TELO2: variants seen among roughly 807,000 people sequenced by gnomAD.
TELO2 encodes telomere maintenance 2, also known as telomere length regulation protein TEL2 homolog.
A neutral mutation model predicts 91.0 loss-of-function variants in TELO2; 71 were observed. That is an observed-to-expected ratio of 0.78 (90% CI 0.64 to 0.95). The LOEUF (loss-of-function observed/expected upper bound fraction) is 0.95, where lower values mean the gene tolerates loss of function less well. TELO2 is among the 40% of genes least tolerant of loss of function. TELO2 has a pLI of 0.00. For synonymous variants in TELO2, 584 were observed against 518.9 expected (o/e 1.13, Z -1.71); for missense variants, 1,183 against 1,141.3 (o/e 1.04, Z -0.53).
rs752726244 is a variant in TELO2, at chr16:1,497,062, G to A, written c.640G>A (p.Val214Met). 17 of 1,613,956 alleles carry A rather than the reference G, an allele frequency of 1.1e-5. No homozygotes were observed. Among genetic ancestry groups the A allele is most frequent in the Admixed American group, 8.3e-5 (5 of 59,994 alleles). The change falls in exon 4 of 21, where the codon GTG becomes ATG. Residue 214 changes from valine (V) to methionine (M), a missense_variant. Val to Met is a conservative substitution (Grantham distance 21). Transcript: ENST00000262319. The surrounding 1 kb of genome is among the most constrained non-coding windows in gnomAD (Gnocchi z 4.0). ...TGGCCTGGATTCCTCCGTGTCCTTCGTGTCTCAGGTCCTTGGGAAAGCCTG... is the reference window on the plus strand; with the variant it reads ...TGGCCTGGATTCCTCCGTGTCCTTCATGTCTCAGGTCCTTGGGAAAGCCTG... ...QGGLDSSVSF[V>M]SQVLGKACVH...
At chr16:1,507,788 G>GA (rs1418633456) in intron 20 of TELO2, 72 bp downstream of exon 20, 2 of 1,247,414 alleles carry the variant, frequency 1.6e-6, no homozygotes, top group African/African-American at 1.5e-5. Flanking sequence ...GTGTGTGTGT[G>GA]TGTGAGAGAT....
At chr16:1,503,824 C>G (rs2039790046) in intron 15 of TELO2, among the ~76,000 whole-genome samples, 1 of 152,124 alleles carries the variant, frequency 6.6e-6, no homozygotes, top group African/African-American at 2.4e-5. Context: ...TGCCACGGAA[C>G]TGTACACTTA....
Position 1,505,587 on chromosome 16 carries a change from C to T in TELO2, c.2020C>T (p.Gln674Ter), listed in dbSNP as rs1209676834. ...GGAGGAGCGGATCAGAAGCAAGACC[C>T]AGCGGCTCTCCAAGGTTAGTGGCGC... ...VVEERIRSKT[Q>*]RLSKGGPRQG... The change falls in exon 16 of 21, where the codon CAG (glutamine) becomes TAG (stop). Residue 674 changes from glutamine to a stop codon, truncating the protein, a stop_gained. Transcript: ENST00000262319. LOFTEE classifies it high-confidence loss of function. This position sits in a 1 kb window ranked among gnomAD's most constrained non-coding sequence, Gnocchi z 4.3. 8.8e-6 allele frequency: 14 copies of T among 1,593,196 alleles called. No individual in the cohort carries two copies. The Middle Eastern group carries it at 5.2e-4, about 59-fold the overall frequency.
intron 15 of TELO2, among the ~76,000 whole-genome samples, chr16:1,504,549 GTCTTTTTT>G (rs1364718597): frequency 6.4e-5 from 9 of 140,232 alleles, no homozygotes; most frequent in African/African-American, 2.5e-4. Flanking sequence ...ACCGTAACTG[GTCTTTTTT>G]TTTTTTTTTT....
chr16:1,509,624 C>T (rs1465360828), intron 20 of TELO2, among the ~76,000 whole-genome samples: 1 of 152,236 alleles, frequency 6.6e-6, no homozygotes, highest in Non-Finnish European at 1.5e-5. Flanking sequence ...CTCAGGGCAG[C>T]CCTCCATGTA....
rs1347447311 is a variant in TELO2 at position 1,505,528 on chromosome 16, G to T, written c.1961G>T (p.Gly654Val). The T allele has an allele frequency of 6.2e-7, 1 of 1,613,116 alleles. No individual in the cohort carries two copies. The stretch of plus-strand genomic sequence containing the variant: ...CCAGAGGCAGCCGTCTCTCAGCCTG[G>T]CAGTGCCGTGGCGTCTGACTGGCGG... ...CLPEAAVSQP[G>V]SAVASDWRVV... Residue 654 changes from glycine (G) to valine (V), a missense_variant, in exon 16 of 21, where the codon GGC becomes GTC. Coordinates refer to ENST00000262319, the MANE Select transcript of TELO2 (RefSeq NM_016111.4). The surrounding 1 kb of genome is among the most constrained non-coding windows in gnomAD (Gnocchi z 4.3).
Position 1,504,067 on chromosome 16 carries a change from G to A in TELO2, c.1842+1065G>A, listed in dbSNP as rs1203086420. ...CTTGAGCCCAGAGGTTGAGGCTGTC[G>A]TGAGCCGTGATGGCACCACTGCCCT... On this transcript the variant is annotated intron_variant, in intron 15 of 20. Coordinates refer to ENST00000262319, the MANE Select transcript of TELO2 (RefSeq NM_016111.4). Among the ~76,000 whole-genome samples, 9 of 149,000 alleles carry A rather than the reference G, an allele frequency of 6.0e-5. No homozygotes were observed. The South Asian group carries it at 6.4e-4, about 11-fold the overall frequency.
rs576804391 is a variant in TELO2 at position 1,501,266 on chromosome 16, C to T, written c.1282-154C>T. On this transcript the variant is annotated intron_variant, in intron 9 of 20. Transcript: ENST00000262319. ...GGCCTGAGGTGGAATCTTAGAAAGT[C>T]GCTTTTAAAAAGACACCTGGCTATC... is the stretch of plus-strand genomic sequence containing the variant. Among the ~76,000 whole-genome samples, 79 of 152,314 alleles carry T rather than the reference C, an allele frequency of 5.2e-4. 1 individual carries two copies. Among genetic ancestry groups the T allele is most frequent in the Non-Finnish European group, 9.7e-4 (66 of 68,010 alleles).
Position 1,509,832 on chromosome 16 carries a change from G to A in TELO2, c.2410G>A (p.Val804Met), listed in dbSNP as rs778700436. Residue 804 changes from valine (V) to methionine (M), a missense_variant and splice_region_variant, in exon 21 of 21, where the codon GTG (valine) becomes ATG (methionine). Val to Met is a conservative substitution (Grantham distance 21). Coordinates refer to ENST00000262319, the MANE Select transcript of TELO2 (RefSeq NM_016111.4). ...TGCTTGTCACTCTCGTCTGGCAGAC[G>A]TGGCTGAGAAAGACCCGGACGAGGA... ...LLEARSWLADVAEKDPDEDCR... is the reference protein window; with the variant it reads ...LLEARSWLADMAEKDPDEDCR... The A allele has an allele frequency of 1.9e-6, 3 of 1,611,172 alleles. No individual in the cohort carries two copies. The highest frequency in any genetic ancestry group is 1.1e-5 in the South Asian group (1 of 90,646).
chr16:1,500,859 C>T (rs988875498), intron 9 of TELO2, among the ~76,000 whole-genome samples, 160 bp downstream of exon 9: 2 of 152,256 alleles, frequency 1.3e-5, no homozygotes, highest in Non-Finnish European at 2.9e-5. Context: ...GTGGCAGGTT[C>T]TCAGCCCTGA....
rs1264080877 is a variant in TELO2, at chr16:1,504,609, G to C, written c.1843-801G>C. ...GTCTCGCTCTGTCGCCCAGGCTGGAGTGCAGTGGCGCGATCTTGACTCACT... is the reference window on the plus strand; with the variant it reads ...GTCTCGCTCTGTCGCCCAGGCTGGACTGCAGTGGCGCGATCTTGACTCACT... On this transcript the variant is annotated intron_variant, in intron 15 of 20. Transcript: ENST00000262319. 3.9e-5 allele frequency among the ~76,000 whole-genome samples: 5 copies of C among 127,446 alleles called. No homozygotes were observed. The South Asian group carries it at 8.7e-4, about 22-fold the overall frequency. 83.6% of individuals were successfully genotyped at this position (127,446 alleles called of 152,430 possible).
intron 15 of TELO2, among the ~76,000 whole-genome samples, chr16:1,504,532 A>ACAACTCACCGTAACTGGT (rs1288895060): frequency 8.1e-5 from 12 of 148,136 alleles, no homozygotes; most frequent in African/African-American, 3.0e-4. Context: ...GAACATGAGA[A>ACAACTCACCGTAACTGGT]CAACTCACCG....
At chr16:1,507,531 C>T in intron 19 of TELO2, 70 bp from the exon 20 acceptor site, 1 of 1,502,342 alleles carries the variant, frequency 6.7e-7, no homozygotes, top group Non-Finnish European at 9.0e-7. Flanking sequence ...GGTGGTCTGC[C>T]ACACTGAGGG....
At chr16:1,496,974 A>T in intron 3 of TELO2, 62 bp from the exon 4 acceptor site, 2 of 1,547,698 alleles carry the variant, frequency 1.3e-6, no homozygotes, top group Middle Eastern at 1.7e-4. Flanking sequence ...CTCTCCCCAC[A>T]CCTAGATGTT....
Position 1,497,212 on chromosome 16 carries a change from C to T in TELO2, c.682+108C>T. The T allele has an allele frequency of 6.6e-7, 1 of 1,526,704 alleles. No individual in the cohort carries two copies. The highest frequency in any genetic ancestry group is 8.9e-7 in the Non-Finnish European group (1 of 1,126,494). 94.6% of individuals were successfully genotyped at this position (1,526,704 alleles called of 1,614,324 possible). A position where few individuals can be genotyped will look rare whatever the true frequency, so the allele number is the denominator to read the frequency against. ...CTGACCCTGGCCCTCTGCAGGGTCC[C>T]CTTGCCCGGTCCTGTCCTGGGCCCG... On this transcript the variant is annotated intron_variant, in intron 4 of 20. Transcript: ENST00000262319. This position sits in a 1 kb window ranked among gnomAD's most constrained non-coding sequence, Gnocchi z 4.0.
Position 1,510,000 on chromosome 16 carries a change from G to A in TELO2, c.*64G>A, listed in dbSNP as rs920874116. ...AAGGCAGGCGGCTGAGCAGCGGCCTGGAGCAGCAGAGCCAGGCTTTGTAGC... is the reference window on the plus strand; with the variant it reads ...AAGGCAGGCGGCTGAGCAGCGGCCTAGAGCAGCAGAGCCAGGCTTTGTAGC... On this transcript the variant is annotated 3_prime_UTR_variant, in exon 21 of 21. Coordinates refer to ENST00000262319, the MANE Select transcript of TELO2 (RefSeq NM_016111.4). 32 of 1,430,276 alleles carry A rather than the reference G, an allele frequency of 2.2e-5. No individual in the cohort carries two copies. In the Admixed American group the frequency reaches 3.4e-4, roughly 15 times the overall value. 88.6% of individuals were successfully genotyped at this position (1,430,276 alleles called of 1,614,324 possible).
chr16:1,499,508 C>G (rs1219924938), intron 6 of TELO2, among the ~76,000 whole-genome samples, 175 bp downstream of exon 6: 1 of 150,308 alleles, frequency 6.7e-6, no homozygotes. Flanking sequence ...ACAGGCCCTG[C>G]TGTGACGGCT....
chr16:1,498,362 A>G (rs556702219), intron 5 of TELO2, among the ~76,000 whole-genome samples: 25 of 152,218 alleles, frequency 1.6e-4, no homozygotes, highest in African/African-American at 5.8e-4. Flanking sequence ...TGTTTAAGGC[A>G]TTTGTATTCT....
rs1187221648 is a variant in TELO2, at chr16:1,502,532, C to T, written c.1654-113C>T. The T allele has an allele frequency of 9.3e-6, 14 of 1,501,794 alleles. 1 individual carries two copies. In the Admixed American group the frequency reaches 2.1e-4, roughly 22 times the overall value. The allele number at this position is 1,501,794 out of a possible 1,614,324, so 93.0% of individuals were successfully genotyped here. A position where few individuals can be genotyped will look rare whatever the true frequency, so the allele number is the denominator to read the frequency against. On this transcript the variant is annotated intron_variant, in intron 13 of 20. Coordinates refer to ENST00000262319, the MANE Select transcript of TELO2 (RefSeq NM_016111.4). ...CAGGGCTGCTGCCTCTCCCGGGGGG[C>T]CTGCGGCCTGGGGCCTCTGCTGGGG...
Sources: allele counts gnomAD v4.1 joint callset (sites outside exome capture counted in the v4.1 genomes callset), GRCh38; gene constraint gnomAD v4.1.1; non-coding constraint Gnocchi (gnomAD v3.1); transcripts MANE v1.5; gene names NCBI Gene and HGNC (gene_info 2026-07-23, HGNC 2026-07-21).